SPON1: variants seen among roughly 807,000 people sequenced by gnomAD.
The protein encoded by SPON1 is spondin 1.
A neutral mutation model predicts 111.7 loss-of-function variants in SPON1; 52 were observed. The ratio of observed to expected loss-of-function variants is 0.47; its 90% CI spans 0.37 to 0.59. The LOEUF is 0.59. Among genes scored for constraint, SPON1 ranks in the 20% least tolerant of loss-of-function variants. SPON1 has a pLI of 0.00. For missense variants in SPON1, 957 were observed against 1,068.5 expected (o/e 0.90, Z 1.46); for synonymous variants, 410 against 395.8 (o/e 1.04, Z -0.43).
intron 6 of SPON1, among the ~76,000 whole-genome samples, chr11:14,153,010 C>T (rs1554930053): frequency 6.6e-6 from 1 of 152,142 alleles, no homozygotes; most frequent in Non-Finnish European, 1.5e-5. Flanking sequence ...AACCTCCAAG[C>T]ACTCCAAATT....
intron 5 of SPON1, among the ~76,000 whole-genome samples, chr11:14,111,239 G>A (rs181444743): frequency 1.3e-4 from 20 of 152,150 alleles, no homozygotes; most frequent in East Asian, 9.7e-4. Context: ...GAAATAACAC[G>A]GGACAAACTC....
intron 2 of SPON1, among the ~76,000 whole-genome samples, chr11:14,037,529 G>GGAA (rs373568494): frequency 1.4e-5 from 2 of 147,038 alleles, no homozygotes; most frequent in South Asian, 2.1e-4. Flanking sequence ...TCCACATGTA[G>GGAA]AAAAAAAAAA....
chr11:14,199,518 A>G (rs1424787211), intron 6 of SPON1, among the ~76,000 whole-genome samples: 1 of 151,706 alleles, frequency 6.6e-6, no homozygotes, highest in Admixed American at 6.6e-5. Flanking sequence ...ACCACTTCCT[A>G]AACTTTTCTC....
chr11:14,249,375 G>T (rs1849028045), intron 7 of SPON1, among the ~76,000 whole-genome samples: 1 of 152,192 alleles, frequency 6.6e-6, no homozygotes, highest in Admixed American at 6.5e-5. Context: ...TTTGGACAGA[G>T]AAGCAGGTGG....
In SPON1 at chr11:14,175,708, C is replaced by T. The variant is rs150258859; in HGVS notation, c.825+40140C>T. Among the ~76,000 whole-genome samples, 57 of 152,222 alleles carry T rather than the reference C, an allele frequency of 3.7e-4. No homozygotes were observed. In the East Asian group the frequency reaches 7.7e-3, roughly 21 times the overall value. On this transcript the variant is annotated intron_variant, in intron 6 of 15. Transcript: ENST00000576479. ...AAGAATTTCTTACCCTTTTTGCTGG[C>T]ATACCAGGTTTCTAGGTTCCCTTTC...
At chr11:13,968,792 C>T (rs1033174166) in intron 1 of SPON1, among the ~76,000 whole-genome samples, 1 of 152,098 alleles carries the variant, frequency 6.6e-6, no homozygotes, top group African/African-American at 2.4e-5. Flanking sequence ...GAAACTGCAC[C>T]CAGCACTTCT....
intron 5 of SPON1, among the ~76,000 whole-genome samples, chr11:14,088,495 G>A (rs936164272): frequency 6.6e-6 from 1 of 152,206 alleles, no homozygotes. Context: ...TCTGCAGAGA[G>A]ATCTGCTGTT....
intron 1 of SPON1, among the ~76,000 whole-genome samples, chr11:13,976,997 G>A (rs1400572412): frequency 1.3e-5 from 2 of 152,118 alleles, no homozygotes; most frequent in Admixed American, 6.5e-5. Context: ...TTGAGATTAC[G>A]TTTGTGAGAT....
intron 3 of SPON1, among the ~76,000 whole-genome samples, chr11:14,047,131 C>T (rs1848674370): frequency 6.6e-6 from 1 of 152,072 alleles, no homozygotes; most frequent in Non-Finnish European, 1.5e-5. Context: ...ATGATCATAT[C>T]TTAAAATAAT....
At position 14,219,345 on chromosome 11, in the gene SPON1, A is replaced by G. The variant is rs559945568; in HGVS notation, c.826-23987A>G. 3.9e-5 allele frequency among the ~76,000 whole-genome samples: 6 copies of G among 152,300 alleles called. No individual in the cohort carries two copies. The East Asian group carries it at 1.2e-3, about 29-fold the overall frequency. ...CAAACTATAAGGAAAAAGTTATCCTAGTTTCAGTCTCTCTTTAAATCAAAG... is the reference window on the plus strand; with the variant it reads ...CAAACTATAAGGAAAAAGTTATCCTGGTTTCAGTCTCTCTTTAAATCAAAG... On this transcript the variant is annotated intron_variant, in intron 6 of 15. Transcript: ENST00000576479.
At chr11:14,165,382 T>C (rs7943446) in intron 6 of SPON1, among the ~76,000 whole-genome samples, 29,604 of 152,070 alleles carry the variant, frequency 0.19, 2,988 homozygotes, top group Admixed American at 0.25. Context: ...TGACAGGAGA[T>C]GTAGTGGGAA....
chr11:13,965,342 T>C (rs567325615), intron 1 of SPON1, among the ~76,000 whole-genome samples: 11 of 152,188 alleles, frequency 7.2e-5, no homozygotes, highest in Non-Finnish European at 1.6e-4. Flanking sequence ...TAGACTAGTC[T>C]GAGGTTCAGG....
At chr11:14,059,273 C>T (rs1554919574) in intron 3 of SPON1, among the ~76,000 whole-genome samples, 1 of 152,134 alleles carries the variant, frequency 6.6e-6, no homozygotes, top group East Asian at 1.9e-4. Flanking sequence ...GGATCAGGTC[C>T]AAAGGGCCCT....
intron 6 of SPON1, among the ~76,000 whole-genome samples, chr11:14,231,791 T>C (rs1284200139): frequency 3.3e-5 from 5 of 152,106 alleles, no homozygotes; most frequent in African/African-American, 1.2e-4. Context: ...ATCCAAAGAC[T>C]ATACAGCAAT....
intron 2 of SPON1, among the ~76,000 whole-genome samples, chr11:13,996,207 A>G (rs1848271177): frequency 6.6e-6 from 1 of 152,236 alleles, no homozygotes; most frequent in African/African-American, 2.4e-5. Flanking sequence ...GATAAATGAC[A>G]TTCTGTCCCT....
At chr11:13,967,066 A>G (rs782023540) in intron 1 of SPON1, among the ~76,000 whole-genome samples, 1 of 152,200 alleles carries the variant, frequency 6.6e-6, no homozygotes, top group Non-Finnish European at 1.5e-5. Context: ...TCTGATCGTT[A>G]CTGTTTTATG....
At chr11:14,042,956 C>T (rs954051572) in intron 3 of SPON1, among the ~76,000 whole-genome samples, 3 of 152,216 alleles carry the variant, frequency 2.0e-5, no homozygotes, top group African/African-American at 4.8e-5. Flanking sequence ...GCAAGCTGAG[C>T]ATCCTTCCTC....
chr11:14,105,510 T>C lies in SPON1; in HGVS notation c.676+25489T>C, dbSNP rs140249738. On this transcript the variant is annotated intron_variant, in intron 5 of 15. Coordinates refer to ENST00000576479, the MANE Select transcript of SPON1 (RefSeq NM_006108.4). ...TTTCTTCCACATTTAAGAAATAGTTTATAAGTATTTTCTAAATCCTGTTTT... is the reference window on the plus strand; with the variant it reads ...TTTCTTCCACATTTAAGAAATAGTTCATAAGTATTTTCTAAATCCTGTTTT... 7.2e-5 allele frequency among the ~76,000 whole-genome samples: 11 copies of C among 152,306 alleles called. No homozygotes were observed. In the East Asian group the frequency reaches 2.1e-3, roughly 29 times the overall value.
chr11:14,034,726 T>C (rs909985004), intron 2 of SPON1, among the ~76,000 whole-genome samples: 1 of 152,126 alleles, frequency 6.6e-6, no homozygotes, highest in South Asian at 2.1e-4. Context: ...CAACCCTGGG[T>C]CTGAATCCAG....
Sources: allele counts gnomAD v4.1 joint callset (sites outside exome capture counted in the v4.1 genomes callset), GRCh38; gene constraint gnomAD v4.1.1; transcripts MANE v1.5; gene names NCBI Gene and HGNC (gene_info 2026-07-23, HGNC 2026-07-21).